Variants in CHD9 observed in about 807,000 individuals in gnomAD.
CHD9 encodes chromodomain helicase DNA binding protein 9.
CHD9 carries 77 observed loss-of-function variants against 316.1 expected under a neutral mutation model. The observed-to-expected ratio is 0.24, with a 90% CI of 0.20 to 0.29. The LOEUF is 0.29. Ranked by LOEUF, CHD9 falls within the 10% of genes least tolerant of loss-of-function variation. CHD9 has a pLI of 1.00. For missense variants in CHD9, 2,763 were observed against 3,438.1 expected (o/e 0.80, Z 4.91); for synonymous variants, 1,129 against 1,158.3 (o/e 0.97, Z 0.51).
rs1341878089 is a variant in CHD9 at position 53,134,276 on chromosome 16, A to G, written c.-164-21650A>G. ...GATTGGAGTCAGAAGAGATTTATGG[A>G]TACTGATGAGATAGAGTTATTTTAA... On this transcript the variant is annotated intron_variant, in intron 1 of 38. Transcript: ENST00000447540. Among the ~76,000 whole-genome samples the G allele has an allele frequency of 2.0e-5, 3 of 152,228 alleles. 1 individual carries two copies. Among genetic ancestry groups the G allele is most frequent in the African/African-American group, 7.2e-5 (3 of 41,474 alleles).
At chr16:53,201,737 C>CCA (rs1349356520) in intron 2 of CHD9, among the ~76,000 whole-genome samples, 1 of 152,090 alleles carries the variant, frequency 6.6e-6, no homozygotes, top group African/African-American at 2.4e-5. Flanking sequence ...ATGAATATAG[C>CCA]CACCCCCTCC....
chr16:53,314,575 A>T (rs929858966), intron 35 of CHD9, 59 bp downstream of exon 35: 18 of 1,314,852 alleles, frequency 1.4e-5, no homozygotes, highest in Non-Finnish European at 1.9e-5. Flanking sequence ...CCTAATAAAT[A>T]TACATATTAT....
At chr16:53,152,343 G>T (rs529485169) in intron 1 of CHD9, among the ~76,000 whole-genome samples, 16 of 152,154 alleles carry the variant, frequency 1.1e-4, no homozygotes, top group Admixed American at 3.3e-4. Context: ...TGATAAAGTT[G>T]GTTCTGACAC....
intron 20 of CHD9, among the ~76,000 whole-genome samples, chr16:53,263,731 T>G (rs2051370486): frequency 6.6e-6 from 1 of 152,166 alleles, no homozygotes; most frequent in African/African-American, 2.4e-5. Context: ...TTTTAAAATG[T>G]AAAGCTTTAC....
At position 53,324,351 on chromosome 16, in the gene CHD9, G is replaced by T. The variant is rs996503820; in HGVS notation, c.8150G>T (p.Gly2717Val). Residue 2717 changes from glycine (G) to valine (V), a missense_variant, in exon 39 of 39, where the codon GGA becomes GTA. By Grantham distance (109) the Gly-to-Val change is moderately radical. Around this residue, in one of 15 missense-constraint regions of CHD9, gnomAD observed 298 missense variants for 380.2 expected, o/e 0.78. Transcript: ENST00000447540. Reference protein sequence around the residue: ...MAAMFPMLLSGMAGLPNLLGM... With the variant: ...MAAMFPMLLSVMAGLPNLLGM... Reference sequence around the variant, plus strand: ...GCTATGTTCCCCATGCTGCTGTCAGGAATGGCTGGATTACCAAATCTGTTG... The same window carrying T: ...GCTATGTTCCCCATGCTGCTGTCAGTAATGGCTGGATTACCAAATCTGTTG... 1 of 1,614,006 alleles carries T rather than the reference G, an allele frequency of 6.2e-7. No individual in the cohort carries two copies. Among genetic ancestry groups the T allele is most frequent in the Non-Finnish European group, 8.5e-7 (1 of 1,179,886 alleles).
intron 1 of CHD9, among the ~76,000 whole-genome samples, chr16:53,086,117 A>T (rs975502999): frequency 6.6e-6 from 1 of 152,106 alleles, no homozygotes; most frequent in African/African-American, 2.4e-5. Context: ...ACATGCCCAG[A>T]GCTTCAAGGG....
chr16:53,164,340 G>A (rs916282652), intron 2 of CHD9, among the ~76,000 whole-genome samples: 2 of 152,150 alleles, frequency 1.3e-5, no homozygotes, highest in Non-Finnish European at 2.9e-5. Context: ...TTGGGAGATG[G>A]AGGCAAGAGG....
At chr16:53,125,937 T>C (rs972188440) in intron 1 of CHD9, among the ~76,000 whole-genome samples, 5 of 152,244 alleles carry the variant, frequency 3.3e-5, no homozygotes, top group African/African-American at 9.6e-5. Flanking sequence ...TTTCTCTCAT[T>C]CTGTTTTGTC....
At chr16:53,303,289 G>A (rs921711342) in intron 30 of CHD9, among the ~76,000 whole-genome samples, 2 of 151,080 alleles carry the variant, frequency 1.3e-5, no homozygotes, top group Non-Finnish European at 2.9e-5. Flanking sequence ...GCCCAGGGAA[G>A]CCAAAAGATT....
intron 24 of CHD9, among the ~76,000 whole-genome samples, chr16:53,278,465 A>G (rs2053082054): frequency 1.3e-5 from 2 of 152,200 alleles, no homozygotes; most frequent in Admixed American, 6.5e-5. Flanking sequence ...AAACACAGCC[A>G]ACTGATCTTC....
intron 2 of CHD9, 35 bp downstream of exon 2, chr16:53,157,576 G>A (rs1597205090): frequency 1.3e-6 from 2 of 1,564,416 alleles, no homozygotes; most frequent in South Asian, 1.2e-5. Context: ...TGGAGATTTG[G>A]GGGTAGGGCG....
At chr16:53,281,971 A>G (rs986973941) in intron 24 of CHD9, among the ~76,000 whole-genome samples, 2 of 152,074 alleles carry the variant, frequency 1.3e-5, no homozygotes, top group Non-Finnish European at 2.9e-5. Context: ...TCTTTCTTTC[A>G]TTACAATTTA....
At chr16:53,132,178 T>G (rs1329447024) in intron 1 of CHD9, among the ~76,000 whole-genome samples, 1 of 152,028 alleles carries the variant, frequency 6.6e-6, no homozygotes, top group Non-Finnish European at 1.5e-5. Flanking sequence ...ATGAGAATTT[T>G]GTTGTTGTTG....
At chr16:53,073,096 T>C (rs557196820) in intron 1 of CHD9, among the ~76,000 whole-genome samples, 1 of 152,362 alleles carries the variant, frequency 6.6e-6, no homozygotes, top group Non-Finnish European at 1.5e-5. Context: ...CCTTTCATCT[T>C]GTAAAACTAA....
chr16:53,104,958 C>G (rs552396290), intron 1 of CHD9, among the ~76,000 whole-genome samples: 1 of 151,648 alleles, frequency 6.6e-6, no homozygotes, highest in African/African-American at 2.4e-5. Context: ...CTCAGCCTCT[C>G]AAGTAGCTAA....
rs144825851 is a variant in CHD9 at position 53,187,799 on chromosome 16, C to T, written c.1453-21683C>T. ...GGACTTTTTGTATATTATGGAGGAA[C>T]AGGAATTAAATCAATGGGAATTTAT... On this transcript the variant is annotated intron_variant, in intron 2 of 38. Coordinates refer to ENST00000447540, the MANE Select transcript of CHD9 (RefSeq NM_001308319.2). 1.5e-3 allele frequency among the ~76,000 whole-genome samples: 235 copies of T among 152,122 alleles called. 3 individuals are homozygous for T. Among genetic ancestry groups the T allele is most frequent in the African/African-American group, 5.4e-3 (223 of 41,486 alleles).
At chr16:53,181,339 T>C (rs535787385) in intron 2 of CHD9, among the ~76,000 whole-genome samples, 1 of 152,300 alleles carries the variant, frequency 6.6e-6, no homozygotes, top group African/African-American at 2.4e-5. Flanking sequence ...TTTCTTTTTT[T>C]GAATTTTAAC....
chr16:53,151,413 C>T (rs2041107716), intron 1 of CHD9, among the ~76,000 whole-genome samples: 1 of 151,926 alleles, frequency 6.6e-6, no homozygotes, highest in African/African-American at 2.4e-5. Flanking sequence ...GCCATCATGC[C>T]AGGCTAGTTT....
rs539770696 is a variant in CHD9 at position 53,159,094 on chromosome 16, A to C, written c.1452+1553A>C. Among the ~76,000 whole-genome samples the C allele has an allele frequency of 2.6e-5, 4 of 152,234 alleles. No individual in the cohort carries two copies. The East Asian group carries it at 7.7e-4, about 29-fold the overall frequency. On this transcript the variant is annotated intron_variant, in intron 2 of 38. Transcript: ENST00000447540. ...ATTCCAGACCAGCCTGGACCATGTA[A>C]CGATACTCTGTCTCTACAATAAATA...
Sources: gnomAD v4.1 joint callset for allele counts (sites outside exome capture counted in the v4.1 genomes callset) on GRCh38, gnomAD v4.1.1 for gene constraint, gnomAD v4.1.1 regional missense constraint, MANE v1.5 for transcripts, NCBI Gene and HGNC (gene_info 2026-07-23, HGNC 2026-07-21) for gene names.